SNAPC3: variants seen among roughly 807,000 people sequenced by gnomAD.
SNAPC3 encodes the protein small nuclear RNA activating complex polypeptide 3.
SNAPC3 carries 56 observed loss-of-function variants against 47.7 expected under a neutral mutation model. That is an observed-to-expected ratio of 1.18 (90% CI 0.95 to 1.47). The LOEUF (loss-of-function observed/expected upper bound fraction) is 1.47, where lower values mean the gene tolerates loss of function less well. SNAPC3 is among the 40% of genes most tolerant of loss of function. SNAPC3 has a pLI of 0.00. For missense variants in SNAPC3, 665 were observed against 511.3 expected (o/e 1.30, Z -2.90); for synonymous variants, 235 against 189.9 (o/e 1.24, Z -1.95).
At chr9:15,466,386 AAAC>A (rs143901249), downstream of SNAPC3, among the ~76,000 whole-genome samples, 18,486 of 152,198 alleles carry the variant, frequency 0.12, 1,337 homozygotes, top group Non-Finnish European at 0.17. Flanking sequence ...CTCAAAGAAA[AAAC>A]AACAACAACA....
At position 15,450,974 on chromosome 9, in the gene SNAPC3, A is replaced by G. The variant is rs1434758750; in HGVS notation, c.733-346A>G. The stretch of plus-strand genomic sequence containing the variant: ...ATTGCAAATACAAAAAAATGCCAGA[A>G]AAACATAGCTCGATGATCATTGTTA... On this transcript the variant is annotated intron_variant, in intron 5 of 8. Coordinates refer to ENST00000380821, the MANE Select transcript of SNAPC3 (RefSeq NM_001039697.2). Among the ~76,000 whole-genome samples, 4 of 152,238 alleles carry G rather than the reference A, an allele frequency of 2.6e-5. 1 individual carries two copies. Among genetic ancestry groups the G allele is most frequent in the Non-Finnish European group, 5.9e-5 (4 of 68,046 alleles).
At chr9:15,464,546 T>C (rs894187025), downstream of SNAPC3, 9 of 200,080 alleles carry the variant, frequency 4.5e-5, no homozygotes, top group Non-Finnish European at 9.3e-5. Flanking sequence ...TTTTGGAATC[T>C]AGAAAATAAA....
chr9:15,455,094 T>C (rs2034676958), intron 7 of SNAPC3, among the ~76,000 whole-genome samples: 1 of 152,170 alleles, frequency 6.6e-6, no homozygotes, highest in South Asian at 2.1e-4. Context: ...ACCAAAATTA[T>C]GGTAGTTCTG....
chr9:15,426,051 TTCTCCATGTTGGTCAG>T (rs2031345360), intron 2 of SNAPC3, among the ~76,000 whole-genome samples: 1 of 152,172 alleles, frequency 6.6e-6, no homozygotes, highest in African/African-American at 2.4e-5. Flanking sequence ...GGGACGGAGT[TTCTCCATGTTGGTCAG>T]GCTCCATGTT....
intron 3 of SNAPC3, among the ~76,000 whole-genome samples, chr9:15,440,438 T>C (rs956661615): frequency 6.6e-6 from 1 of 152,228 alleles, no homozygotes; most frequent in Non-Finnish European, 1.5e-5. Context: ...TCCTGAAGGA[T>C]AGTTTTGCCA....
chr9:15,434,659 G>A (rs1328310661), intron 3 of SNAPC3, among the ~76,000 whole-genome samples: 2 of 152,028 alleles, frequency 1.3e-5, no homozygotes, highest in African/African-American at 4.8e-5. Flanking sequence ...GCCTACTTCG[G>A]CCTCCCAAAG....
At chr9:15,426,503 T>A (rs1273576534) in intron 2 of SNAPC3, among the ~76,000 whole-genome samples, 4 of 152,196 alleles carry the variant, frequency 2.6e-5, no homozygotes, top group African/African-American at 9.7e-5. Flanking sequence ...CCTAGAACTG[T>A]GGTGCATAGT....
At chr9:15,435,840 C>CTTT (rs1463718700) in intron 3 of SNAPC3, among the ~76,000 whole-genome samples, 21 of 49,686 alleles carry the variant, frequency 4.2e-4, no homozygotes, top group African/African-American at 1.7e-3. Flanking sequence ...ACTTACTTTT[C>CTTT]TTTCTTTTTT....
intron 7 of SNAPC3, among the ~76,000 whole-genome samples, chr9:15,456,625 G>T (rs62570993): frequency 0.04 from 6,142 of 152,066 alleles, 138 homozygotes; most frequent in South Asian, 0.068. Context: ...ATGCCACCAT[G>T]CCTGGCCAAT....
intron 3 of SNAPC3, among the ~76,000 whole-genome samples, chr9:15,441,378 C>CTTTTTTTTTTTTTT (rs1351664407): frequency 7.4e-5 from 3 of 40,522 alleles, no homozygotes; most frequent in African/African-American, 2.3e-4. Context: ...CAAGAGTTCC[C>CTTTTTTTTTTTTTT]TTTTCTTTTT....
At position 15,451,444 on chromosome 9, in the gene SNAPC3, A is replaced by T. The variant is rs775027448; in HGVS notation, c.815+42A>T. On this transcript the variant is annotated intron_variant, in intron 6 of 8. Transcript: ENST00000380821. Reference sequence around the variant, plus strand: ...TCTTCTCAAAGTCTTTCCTATTTCTAGTTATCAAAGTAGTGTTATCTCCAC... The same window carrying T: ...TCTTCTCAAAGTCTTTCCTATTTCTTGTTATCAAAGTAGTGTTATCTCCAC... 3.3e-6 allele frequency: 3 copies of T among 913,410 alleles called. No individual in the cohort carries two copies. The Admixed American group carries it at 6.6e-5, about 20-fold the overall frequency. The allele number at this position is 913,410 out of a possible 1,614,324, so 56.6% of individuals were successfully genotyped here. A position where few individuals can be genotyped will look rare whatever the true frequency, so the allele number is the denominator to read the frequency against.
chr9:15,430,665 C>A (rs945122107), intron 2 of SNAPC3, among the ~76,000 whole-genome samples: 1 of 152,128 alleles, frequency 6.6e-6, no homozygotes, highest in African/African-American at 2.4e-5. Context: ...TTTCTGTCTG[C>A]TTGTTATTCC....
At chr9:15,426,019 G>A (rs1012596885) in intron 2 of SNAPC3, among the ~76,000 whole-genome samples, 110 of 152,222 alleles carry the variant, frequency 7.2e-4, no homozygotes, top group African/African-American at 2.6e-3. Context: ...GTGCCACCAC[G>A]CTTAATTTTG....
At chr9:15,429,061 A>G (rs1391639696) in intron 2 of SNAPC3, among the ~76,000 whole-genome samples, 2 of 152,242 alleles carry the variant, frequency 1.3e-5, no homozygotes, top group Non-Finnish European at 2.9e-5. Flanking sequence ...TAGTACAACT[A>G]TTAGATTTCA....
rs1256898632 is a variant in SNAPC3 at position 15,444,586 on chromosome 9, CTT to C, written c.478-12_478-11del. On this transcript the variant is annotated splice_polypyrimidine_tract_variant and intron_variant, in intron 3 of 8. Transcript: ENST00000380821. Reference sequence around the variant, plus strand: ...GTTATAGTATCTGATTTCAGTGTCTCTTTTTCTTTCTTCAGGAGTCACATGCC... The same window carrying C: ...GTTATAGTATCTGATTTCAGTGTCTCTTTCTTTCTTCAGGAGTCACATGCC... The C allele has an allele frequency of 6.6e-7, 1 of 1,519,006 alleles. No homozygotes were observed. The highest frequency in any genetic ancestry group is 9.1e-7 in the Non-Finnish European group (1 of 1,095,834). The allele number at this position is 1,519,006 out of a possible 1,614,324, so 94.1% of individuals were successfully genotyped here.
chr9:15,453,267 C>T, intron 7 of SNAPC3, 62 bp downstream of exon 7: 1 of 1,305,186 alleles, frequency 7.7e-7, no homozygotes, highest in Non-Finnish European at 1.1e-6. Context: ...GAGTACAAAA[C>T]CAGAGATAGT....
chr9:15,459,543 A>G (rs1347151394), intron 8 of SNAPC3, among the ~76,000 whole-genome samples, 176 bp from the exon 9 acceptor site: 5 of 152,164 alleles, frequency 3.3e-5, no homozygotes, highest in African/African-American at 1.2e-4. Context: ...TTGTAGAGAG[A>G]GTATTGGTGG....
chr9:15,448,239 CT>C (rs891091880), intron 5 of SNAPC3, among the ~76,000 whole-genome samples: 22 of 150,514 alleles, frequency 1.5e-4, no homozygotes, highest in South Asian at 6.3e-4. Context: ...TTCATGTTAA[CT>C]TTTTTTTTTC....
At chr9:15,462,665 A>G (rs1435680071), downstream of SNAPC3, 1 of 152,216 alleles carries the variant, frequency 6.6e-6, no homozygotes, top group East Asian at 1.9e-4. Context: ...GAGAAGCAAT[A>G]GCTATTTCTT....
Sources: allele counts gnomAD v4.1 joint callset (sites outside exome capture counted in the v4.1 genomes callset), GRCh38; gene constraint gnomAD v4.1.1; transcripts MANE v1.5; gene names NCBI Gene and HGNC (gene_info 2026-07-23, HGNC 2026-07-21).